Variants in SLC35F4 observed in about 807,000 individuals in gnomAD.
SLC35F4 encodes chromosome 14 open reading frame 36.
SLC35F4 carries 24 observed loss-of-function variants against 44.2 expected under a neutral mutation model. The observed-to-expected ratio is 0.54, with a 90% CI of 0.39 to 0.76. The LOEUF (loss-of-function observed/expected upper bound fraction) is 0.76. Ranked by LOEUF, SLC35F4 falls within the 30% of genes least tolerant of loss-of-function variation. SLC35F4 has a pLI of 0.00. For synonymous variants in SLC35F4, 238 were observed against 223.6 expected (o/e 1.06, Z -0.57); for missense variants, 562 against 586.1 (o/e 0.96, Z 0.42).
At chr14:57,702,379 A>T (rs577913973) in intron 1 of SLC35F4, among the ~76,000 whole-genome samples, 1 of 151,218 alleles carries the variant, frequency 6.6e-6, no homozygotes, top group South Asian at 2.1e-4. Context: ...CTGAAAACTG[A>T]TACCAAACCT....
chr14:57,770,632 A>G (rs2077340973), intron 1 of SLC35F4, among the ~76,000 whole-genome samples: 1 of 152,116 alleles, frequency 6.6e-6, no homozygotes, highest in African/African-American at 2.4e-5. Flanking sequence ...AGGACCCTGA[A>G]CTGTGAAGGA....
At chr14:57,635,374 G>A (rs893411113) in intron 1 of SLC35F4, among the ~76,000 whole-genome samples, 6 of 152,042 alleles carry the variant, frequency 3.9e-5, no homozygotes, top group Non-Finnish European at 7.4e-5. Flanking sequence ...AGAGGGGTCG[G>A]AGGGAGACTA....
chr14:57,915,097 G>A (rs535138122), intron 1 of SLC35F4, among the ~76,000 whole-genome samples: 1 of 145,098 alleles, frequency 6.9e-6, no homozygotes, highest in East Asian at 2.2e-4. Context: ...GTACCTTCTG[G>A]AGCACTGGAT....
At position 57,564,040 on chromosome 14, in the gene SLC35F4, C is replaced by T. The variant is rs1441000181; in HGVS notation, c.*95G>A. ...ATTTCACATATGATTTATCCAAATT[C>T]AGAGTTAATACTGTCGTTTGAGTGT... On this transcript the variant is annotated 3_prime_UTR_variant, in exon 8 of 8. Coordinates refer to ENST00000556826, the MANE Select transcript of SLC35F4 (RefSeq NM_001306087.2). 2 of 1,360,314 alleles carry T rather than the reference C, an allele frequency of 1.5e-6. No homozygotes were observed. The highest frequency in any genetic ancestry group is 3.0e-5 in the South Asian group (2 of 67,112). The allele number at this position is 1,360,314 out of a possible 1,614,324, so 84.3% of individuals were successfully genotyped here. A position where few individuals can be genotyped will look rare whatever the true frequency, so the allele number is the denominator to read the frequency against.
intron 1 of SLC35F4, among the ~76,000 whole-genome samples, chr14:57,626,067 C>G (rs1480065078): frequency 6.7e-6 from 1 of 149,212 alleles, no homozygotes; most frequent in Non-Finnish European, 1.5e-5. Context: ...CAAACTAACA[C>G]AAGAACAGAA....
At chr14:57,759,102 G>A (rs1385390708) in intron 1 of SLC35F4, among the ~76,000 whole-genome samples, 1 of 152,028 alleles carries the variant, frequency 6.6e-6, no homozygotes, top group Non-Finnish European at 1.5e-5. Context: ...TACTTTGCAT[G>A]TTTATATCAT....
intron 1 of SLC35F4, among the ~76,000 whole-genome samples, chr14:57,707,701 G>T (rs920828350): frequency 6.6e-6 from 1 of 152,156 alleles, no homozygotes; most frequent in Admixed American, 6.5e-5. Flanking sequence ...TGGGTAATGG[G>T]CAGAGGTTGC....
At chr14:57,972,147 G>C (rs1881069750), downstream of SLC35F4, among the ~76,000 whole-genome samples, 1 of 152,234 alleles carries the variant, frequency 6.6e-6, no homozygotes, top group South Asian at 2.1e-4. Flanking sequence ...TACAGTGAAA[G>C]AGGGGGAAAG....
At chr14:57,586,935 A>C (rs2069784518) in intron 3 of SLC35F4, among the ~76,000 whole-genome samples, 1 of 151,732 alleles carries the variant, frequency 6.6e-6, no homozygotes, top group African/African-American at 2.4e-5. Context: ...AGAATCTACA[A>C]AGAACTTAAA....
chr14:57,772,625 T>C (rs1284491825), intron 1 of SLC35F4, among the ~76,000 whole-genome samples: 1 of 152,212 alleles, frequency 6.6e-6, no homozygotes, highest in East Asian at 1.9e-4. Flanking sequence ...TAGTATTTGA[T>C]TTCGGGCTTT....
chr14:57,648,126 T>C (rs924239460), intron 1 of SLC35F4, among the ~76,000 whole-genome samples: 4 of 152,334 alleles, frequency 2.6e-5, no homozygotes, highest in Admixed American at 1.3e-4. Context: ...AATGCTAGCA[T>C]CAGATATTAT....
At chr14:57,790,913 G>A (rs2077901515) in intron 1 of SLC35F4, among the ~76,000 whole-genome samples, 1 of 152,130 alleles carries the variant, frequency 6.6e-6, no homozygotes, top group South Asian at 2.1e-4. Context: ...AATGGTGCTG[G>A]GAAAACTGGC....
chr14:57,878,231 T>C (rs987714062), intron 1 of SLC35F4, among the ~76,000 whole-genome samples: 17 of 152,214 alleles, frequency 1.1e-4, no homozygotes, highest in African/African-American at 4.1e-4. Flanking sequence ...ATGCATAGTT[T>C]GCAAGTATTT....
chr14:57,599,814 A>AC (rs201013560), intron 1 of SLC35F4, among the ~76,000 whole-genome samples: 2,199 of 151,622 alleles, frequency 0.015, 30 homozygotes, highest in Non-Finnish European at 0.021. Context: ...AAAAAAAAAA[A>AC]AAAAACAACA....
intron 1 of SLC35F4, among the ~76,000 whole-genome samples, chr14:57,744,780 C>T (rs890077087): frequency 6.6e-5 from 10 of 152,124 alleles, no homozygotes; most frequent in African/African-American, 2.4e-4. Context: ...CCCACATTGC[C>T]AAGACAATCC....
At chr14:57,708,348 A>G (rs1351304696) in intron 1 of SLC35F4, among the ~76,000 whole-genome samples, 1 of 152,204 alleles carries the variant, frequency 6.6e-6, no homozygotes, top group Non-Finnish European at 1.5e-5. Context: ...AAAAACTCTG[A>G]TCCCCAATTG....
chr14:57,903,151 A>G (rs1210300573), intron 1 of SLC35F4, among the ~76,000 whole-genome samples: 1 of 152,162 alleles, frequency 6.6e-6, no homozygotes, highest in Non-Finnish European at 1.5e-5. Context: ...TTCTGTCTTT[A>G]TGCTTCATCT....
intron 1 of SLC35F4, among the ~76,000 whole-genome samples, chr14:57,634,478 A>C (rs1318819663): frequency 1.3e-5 from 2 of 152,100 alleles, no homozygotes; most frequent in Non-Finnish European, 2.9e-5. Flanking sequence ...TTGAACTGAA[A>C]GATATGAATG....
chr14:57,566,251 T>C (rs2068201524), intron 7 of SLC35F4, among the ~76,000 whole-genome samples: 1 of 152,250 alleles, frequency 6.6e-6, no homozygotes, highest in Non-Finnish European at 1.5e-5. Flanking sequence ...ATTTGGTATT[T>C]AATTCTAAAA....
Sources: gnomAD v4.1 joint callset for allele counts (sites outside exome capture counted in the v4.1 genomes callset) on GRCh38, gnomAD v4.1.1 for gene constraint, MANE v1.5 for transcripts, NCBI Gene and HGNC (gene_info 2026-07-23, HGNC 2026-07-21) for gene names.